The following TRHDE variants were observed in gnomAD, a reference collection of about 807,000 sequenced individuals.
TRHDE encodes the protein thyrotropin releasing hormone degrading enzyme.
A neutral mutation model predicts 125.7 loss-of-function variants in TRHDE; 72 were observed. That is an observed-to-expected ratio of 0.57 (90% CI 0.47 to 0.70). TRHDE has a LOEUF of 0.70. TRHDE is among the 30% of genes least tolerant of loss of function. The pLI is 0.00. For missense variants in TRHDE, 1,110 were observed against 1,327.1 expected (o/e 0.84, Z 2.54); for synonymous variants, 509 against 509.1 (o/e 1.00, Z 0.00).
intron 15 of TRHDE, among the ~76,000 whole-genome samples, chr12:72,624,292 TG>T (rs1377387520): frequency 6.6e-6 from 1 of 151,924 alleles, no homozygotes; most frequent in East Asian, 1.9e-4. Flanking sequence ...CAGTAATCCT[TG>T]TTTGTTTGCT....
rs3080963 is a variant in TRHDE at position 72,620,338 on chromosome 12, CAA to C, written c.2470-748_2470-747del. ...GGCAACATGGTGAAACCCATCTCTA[CAA>C]AAAAAAAAAAAAAAAAAAAAAGAAA... On this transcript the variant is annotated intron_variant, in intron 13 of 18. Coordinates refer to ENST00000261180, the MANE Select transcript of TRHDE (RefSeq NM_013381.3). Among the ~76,000 whole-genome samples the C allele has an allele frequency of 6.4e-3, 431 of 67,490 alleles. 1 individual carries two copies. The highest frequency in any genetic ancestry group is 0.016 in the African/African-American group (388 of 24,086). 44.3% of individuals were successfully genotyped at this position (67,490 alleles called of 152,430 possible).
At chr12:72,622,372 A>G (rs1873088941) in intron 15 of TRHDE, among the ~76,000 whole-genome samples, 1 of 152,096 alleles carries the variant, frequency 6.6e-6, no homozygotes, top group Non-Finnish European at 1.5e-5. Context: ...AAACATAAAA[A>G]TAATCGAAGA....
chr12:72,224,546 C>T (rs1361685279), intron 2 of TRHDE, among the ~76,000 whole-genome samples: 3 of 151,984 alleles, frequency 2.0e-5, no homozygotes, highest in Non-Finnish European at 2.9e-5. Context: ...CATGATTCCC[C>T]AAGGGAGGGT....
intron 18 of TRHDE, among the ~76,000 whole-genome samples, chr12:72,661,321 A>G (rs918022992): frequency 2.0e-5 from 3 of 152,154 alleles, no homozygotes; most frequent in African/African-American, 7.2e-5. Context: ...AGCCAAGAGC[A>G]TGCTCCACAG....
At chr12:72,532,047 AC>A (rs1868583700) in intron 6 of TRHDE, among the ~76,000 whole-genome samples, 1 of 152,010 alleles carries the variant, frequency 6.6e-6, no homozygotes, top group African/African-American at 2.4e-5. Context: ...TTTTGCAGTA[AC>A]TTTTTCTAGC....
At chr12:72,187,553 A>G (rs1263925599) in intron 2 of TRHDE, among the ~76,000 whole-genome samples, 2 of 151,376 alleles carry the variant, frequency 1.3e-5, no homozygotes, top group Non-Finnish European at 3.0e-5. Context: ...ATGATGTATC[A>G]GTCCCAGTTC....
chr12:72,587,630 A>G, intron 12 of TRHDE, among the ~76,000 whole-genome samples: 1 of 152,230 alleles, frequency 6.6e-6, no homozygotes, highest in East Asian at 1.9e-4. Flanking sequence ...ACAGAATTTT[A>G]AAATTAAAGG....
chr12:72,417,317 C>T (rs1472137353), intron 3 of TRHDE, among the ~76,000 whole-genome samples: 1 of 151,948 alleles, frequency 6.6e-6, no homozygotes, highest in Non-Finnish European at 1.5e-5. Flanking sequence ...TCTCAATAGA[C>T]ATGTAATTGG....
chr12:72,462,609 G>GC (rs1050414330), intron 3 of TRHDE, among the ~76,000 whole-genome samples: 1 of 152,124 alleles, frequency 6.6e-6, no homozygotes, highest in African/African-American at 2.4e-5. Context: ...TTGGTACTAT[G>GC]CTAGCACTGC....
intron 2 of TRHDE, among the ~76,000 whole-genome samples, chr12:72,251,295 G>A (rs79424564): frequency 0.026 from 4,020 of 151,766 alleles, 97 homozygotes; most frequent in Non-Finnish European, 0.036. Flanking sequence ...GCACTCTTCC[G>A]GCCCTCTCAC....
chr12:72,367,753 G>A (rs1357868084), intron 2 of TRHDE, among the ~76,000 whole-genome samples: 1 of 152,138 alleles, frequency 6.6e-6, no homozygotes, highest in Non-Finnish European at 1.5e-5. Flanking sequence ...GTGCATTGTG[G>A]TTTTGGAATT....
chr12:72,544,053 G>A (rs1869289949), intron 7 of TRHDE, among the ~76,000 whole-genome samples: 1 of 151,194 alleles, frequency 6.6e-6, no homozygotes, highest in Admixed American at 6.6e-5. Flanking sequence ...GGTACTCTAT[G>A]TTTGTCAACA....
intron 3 of TRHDE, among the ~76,000 whole-genome samples, chr12:72,467,610 T>C (rs555143595): frequency 9.2e-5 from 14 of 152,116 alleles, no homozygotes; most frequent in Middle Eastern, 3.4e-3. Context: ...AGGTCAGAAG[T>C]TCAAGACCAG....
At chr12:72,630,901 C>T (rs1873468685) in intron 15 of TRHDE, among the ~76,000 whole-genome samples, 1 of 143,508 alleles carries the variant, frequency 7.0e-6, no homozygotes, top group African/African-American at 2.5e-5. Context: ...AAAAAAAAAA[C>T]CTACCCATAC....
chr12:72,586,769 C>T (rs1871457715), intron 12 of TRHDE, among the ~76,000 whole-genome samples: 1 of 149,490 alleles, frequency 6.7e-6, no homozygotes. Context: ...CTCCAGGACA[C>T]CAGGTGGTCA....
chr12:72,365,188 G>A (rs1422870722), intron 2 of TRHDE, among the ~76,000 whole-genome samples: 1 of 152,088 alleles, frequency 6.6e-6, no homozygotes. Context: ...TGTTGAAATA[G>A]ATTTAAGGAA....
chr12:72,377,626 G>A (rs1024221385), intron 2 of TRHDE, among the ~76,000 whole-genome samples: 2 of 152,108 alleles, frequency 1.3e-5, no homozygotes, highest in African/African-American at 2.4e-5. Flanking sequence ...CTCCTGCCAA[G>A]CCACCATATC....
intron 6 of TRHDE, among the ~76,000 whole-genome samples, chr12:72,517,067 G>T (rs9668663): frequency 0.23 from 34,309 of 149,734 alleles, 5,189 homozygotes; most frequent in East Asian, 0.47. Context: ...TGAGTATTTT[G>T]GCATCAATGT....
intron 2 of TRHDE, among the ~76,000 whole-genome samples, chr12:72,306,963 GA>G (rs1163266221): frequency 2.0e-5 from 3 of 152,102 alleles, no homozygotes; most frequent in Non-Finnish European, 4.4e-5. Context: ...AGTTGAGGCA[GA>G]GGAATGCCTA....
Sources: gnomAD v4.1 joint callset for allele counts (sites outside exome capture counted in the v4.1 genomes callset) on GRCh38, gnomAD v4.1.1 for gene constraint, MANE v1.5 for transcripts, NCBI Gene and HGNC (gene_info 2026-07-23, HGNC 2026-07-21) for gene names.